Variants in LAMA4 observed in about 807,000 individuals in gnomAD.
The protein encoded by LAMA4 is laminin subunit alpha-4.
In LAMA4, 127 loss-of-function variants were observed where a neutral mutation model predicts 207.1. The ratio of observed to expected loss-of-function variants is 0.61; its 90% CI spans 0.53 to 0.71. LAMA4 has a LOEUF of 0.71. Among genes scored for constraint, LAMA4 ranks in the 30% least tolerant of loss-of-function variants. The probability of loss-of-function intolerance (pLI) is 0.00; values close to 1 mark genes in which losing one functional copy is unlikely to be tolerated. For synonymous variants in LAMA4, 761 were observed against 816.0 expected (o/e 0.93, Z 1.15); for missense variants, 2,093 against 2,246.5 (o/e 0.93, Z 1.38).
rs1450011843 is a variant in LAMA4 at position 112,109,183 on chromosome 6, A to C, written c.*254T>G. On this transcript the variant is annotated 3_prime_UTR_variant, in exon 39 of 39. Transcript: ENST00000230538. ...AAACAGAAACAGTAATTTCACCAGTAGGAATTGCGTGTGCTCTCAATACAA... is the reference window on the plus strand; with the variant it reads ...AAACAGAAACAGTAATTTCACCAGTCGGAATTGCGTGTGCTCTCAATACAA... The C allele has an allele frequency of 9.8e-6, 5 of 509,276 alleles. No homozygotes were observed. The highest frequency in any genetic ancestry group is 1.1e-5 in the Non-Finnish European group (3 of 282,132). The allele number at this position is 509,276 out of a possible 1,614,324, so 31.5% of individuals were successfully genotyped here. A position where few individuals can be genotyped will look rare whatever the true frequency, so the allele number is the denominator to read the frequency against.
intron 10 of LAMA4, 97 bp from the exon 11 acceptor site, chr6:112,175,577 A>G (rs1781977342): frequency 2.5e-6 from 3 of 1,197,496 alleles, no homozygotes; most frequent in Non-Finnish European, 3.7e-6. Flanking sequence ...GGCAGGGCTG[A>G]TCCTGAAATG....
intron 12 of LAMA4, among the ~76,000 whole-genome samples, chr6:112,171,101 T>C (rs1781681763): frequency 6.6e-6 from 1 of 152,164 alleles, no homozygotes; most frequent in African/African-American, 2.4e-5. Flanking sequence ...GAATTGTACG[T>C]TGCAACCTGG....
intron 12 of LAMA4, among the ~76,000 whole-genome samples, chr6:112,170,814 T>C (rs973223070): frequency 6.6e-6 from 1 of 152,172 alleles, no homozygotes; most frequent in Admixed American, 6.5e-5. Flanking sequence ...TGTTACAGGA[T>C]TGGAGTATAG....
chr6:112,136,521 A>G (rs1779357919), intron 24 of LAMA4, among the ~76,000 whole-genome samples: 1 of 151,914 alleles, frequency 6.6e-6, no homozygotes, highest in South Asian at 2.1e-4. Context: ...GCAAAACCTT[A>G]TCTCTACTAA....
intron 10 of LAMA4, among the ~76,000 whole-genome samples, 193 bp from the exon 11 acceptor site, chr6:112,175,673 A>C (rs1245558383): frequency 6.6e-6 from 1 of 152,228 alleles, no homozygotes; most frequent in Non-Finnish European, 1.5e-5. Flanking sequence ...TATTCCACGA[A>C]GGAGAAAGAC....
At chr6:112,135,144 A>C (rs1439086426) in intron 25 of LAMA4, among the ~76,000 whole-genome samples, 1 of 152,112 alleles carries the variant, frequency 6.6e-6, no homozygotes, top group Non-Finnish European at 1.5e-5. Context: ...TGTTACGCAC[A>C]CTTAACATGA....
intron 11 of LAMA4, among the ~76,000 whole-genome samples, chr6:112,173,727 T>C (rs973457782): frequency 1.3e-5 from 2 of 152,216 alleles, no homozygotes; most frequent in Non-Finnish European, 2.9e-5. Context: ...ATGTCAGTAA[T>C]GTCTTTCTAC....
At chr6:112,200,022 C>T (rs1783640946) in intron 5 of LAMA4, 1 of 488,300 alleles carries the variant, frequency 2.0e-6, no homozygotes, top group Non-Finnish European at 4.2e-6. Flanking sequence ...ATGCTAATGG[C>T]ATTTCTGTTA....
At chr6:112,241,075 C>T (rs17073600) in intron 2 of LAMA4, among the ~76,000 whole-genome samples, 8,621 of 139,804 alleles carry the variant, frequency 0.062, 400 homozygotes, top group East Asian at 0.18. Flanking sequence ...AAAACCAATG[C>T]TCAGCATAGC....
intron 4 of LAMA4, among the ~76,000 whole-genome samples, chr6:112,206,192 G>A (rs371374270): frequency 6.6e-6 from 1 of 152,166 alleles, no homozygotes; most frequent in East Asian, 1.9e-4. Context: ...AGTCTTCTGG[G>A]AAGAAGTGTG....
intron 12 of LAMA4, among the ~76,000 whole-genome samples, chr6:112,168,521 T>G (rs1412694567): frequency 2.6e-5 from 4 of 151,914 alleles, no homozygotes; most frequent in Non-Finnish European, 5.9e-5. Context: ...AATTTTTGTA[T>G]TTTTAGTAGA....
chr6:112,187,421 A>G (rs782266165), intron 8 of LAMA4, 29 bp downstream of exon 8: 2 of 1,613,862 alleles, frequency 1.2e-6, no homozygotes, highest in Admixed American at 3.3e-5. Context: ...GGATGAAAAC[A>G]GAGTGGAAAG....
At chr6:112,143,258 T>C (rs186615780) in intron 19 of LAMA4, among the ~76,000 whole-genome samples, 65 of 152,090 alleles carry the variant, frequency 4.3e-4, no homozygotes, top group African/African-American at 1.6e-3. Context: ...AGCTGTCCTA[T>C]GTTATCAGTT....
chr6:112,176,829 A>G (rs1782052646), intron 10 of LAMA4, among the ~76,000 whole-genome samples: 1 of 152,236 alleles, frequency 6.6e-6, no homozygotes, highest in African/African-American at 2.4e-5. Context: ...TAAAAATTTA[A>G]AAGCTGTTAG....
At chr6:112,127,230 A>C (rs1467257449) in intron 31 of LAMA4, among the ~76,000 whole-genome samples, 1 of 152,100 alleles carries the variant, frequency 6.6e-6, no homozygotes, top group Non-Finnish European at 1.5e-5. Flanking sequence ...ATAATAAAGA[A>C]AGCATGCTAA....
Position 112,178,139 on chromosome 6 carries a change from T to C in LAMA4, c.1171A>G (p.Met391Val), listed in dbSNP as rs782487845. The change falls in exon 10 of 39, where the codon ATG (methionine) becomes GTG (valine). Residue 391 changes from methionine (M) to valine (V), a missense_variant. Physicochemically the swap from Met to Val is conservative, Grantham distance 21. Transcript: ENST00000230538. Reference sequence around the variant, plus strand: ...TATTTACCTTGGATTTTATCCCTCATATCATGGGCTTGCTCTACCAGCTGA... The same window carrying C: ...TATTTACCTTGGATTTTATCCCTCACATCATGGGCTTGCTCTACCAGCTGA... Reference protein sequence around the residue: ...ASQLVEQAHDMRDKIQEINNK... With the variant: ...ASQLVEQAHDVRDKIQEINNK... 1.9e-6 allele frequency: 3 copies of C among 1,611,992 alleles called. No homozygotes were observed. Among genetic ancestry groups the C allele is most frequent in the Non-Finnish European group, 2.5e-6 (3 of 1,178,022 alleles).
chr6:112,190,978 T>C (rs1226956612), intron 6 of LAMA4, among the ~76,000 whole-genome samples: 3 of 148,110 alleles, frequency 2.0e-5, no homozygotes, highest in Non-Finnish European at 3.0e-5. Context: ...CTTTCTTTCT[T>C]TCTTTCTTTC....
intron 2 of LAMA4, among the ~76,000 whole-genome samples, chr6:112,239,606 C>G (rs1179865263): frequency 6.6e-6 from 1 of 152,142 alleles, no homozygotes; most frequent in Non-Finnish European, 1.5e-5. Flanking sequence ...TTCAGAAGGC[C>G]GGAAGACTAC....
chr6:112,136,553 G>C (rs180703986), intron 24 of LAMA4, among the ~76,000 whole-genome samples: 1 of 152,002 alleles, frequency 6.6e-6, no homozygotes, highest in Admixed American at 6.6e-5. Flanking sequence ...CTAGCCAGGC[G>C]TGGTGGTAGG....
Sources: gnomAD v4.1 joint callset for allele counts (sites outside exome capture counted in the v4.1 genomes callset) on GRCh38, gnomAD v4.1.1 for gene constraint, MANE v1.5 for transcripts, NCBI Gene and HGNC (gene_info 2026-07-23, HGNC 2026-07-21) for gene names.